Variants in PKD1L1 observed in about 807,000 individuals in gnomAD.
PKD1L1 encodes the protein polycystin 1 like 1, transient receptor potential channel interacting.
PKD1L1 carries 236 observed loss-of-function variants against 323.4 expected under a neutral mutation model. That is an observed-to-expected ratio of 0.73 (90% CI 0.66 to 0.81). PKD1L1 has a LOEUF of 0.81. Ranked by LOEUF, PKD1L1 falls within the 40% of genes least tolerant of loss-of-function variation. PKD1L1 has a pLI of 0.00. For synonymous variants in PKD1L1, 1,344 were observed against 1,335.0 expected (o/e 1.01, Z -0.15); for missense variants, 3,320 against 3,508.0 (o/e 0.95, Z 1.35).
chr7:47,851,508 C>A (rs927441518), intron 31 of PKD1L1, among the ~76,000 whole-genome samples: 1 of 152,070 alleles, frequency 6.6e-6, no homozygotes, highest in African/African-American at 2.4e-5. Context: ...CTGAAGAATG[C>A]CAGCTAATTC....
rs761934181 is a variant in PKD1L1 at position 47,929,215 on chromosome 7, T to G, written c.1049A>C (p.Gln350Pro). 3.1e-6 allele frequency: 5 copies of G among 1,613,884 alleles called. No homozygotes were observed. In the South Asian group the frequency reaches 4.4e-5, roughly 14 times the overall value. Residue 350 changes from glutamine to proline, a missense_variant, in exon 7 of 57, where the codon CAG (glutamine) becomes CCG (proline). Coordinates refer to ENST00000289672, the MANE Select transcript of PKD1L1 (RefSeq NM_138295.5). ...ACCATGCACCTTACCTTTTGAGTACTGGTGGTAGGCAGTCACCGCCATTGC... is the reference window on the plus strand; with the variant it reads ...ACCATGCACCTTACCTTTTGAGTACGGGTGGTAGGCAGTCACCGCCATTGC... ...SEAMAVTAYH[Q>P]YSKGIFFHLL...
chr7:47,957,496 C>T, the PKD1L1 span, among the ~76,000 whole-genome samples: 2 of 152,062 alleles, frequency 1.3e-5, no homozygotes, highest in Non-Finnish European at 2.9e-5. Context: ...ACAAAATCTA[C>T]AAACAAAAAC....
chr7:47,843,258 A>G lies in PKD1L1; in HGVS notation c.5238-89T>C, dbSNP rs1233764495. 4.1e-6 allele frequency: 4 copies of G among 982,488 alleles called. No homozygotes were observed. The East Asian group carries it at 1.0e-4, about 25-fold the overall frequency. 60.9% of individuals were successfully genotyped at this position (982,488 alleles called of 1,614,324 possible). ...GATTGCCACCCCTAGCCCCTTACAC[A>G]CAAAAGTCCCTGCTGGGCTTCACTG... On this transcript the variant is annotated intron_variant, in intron 33 of 56. Transcript: ENST00000289672.
intron 56 of PKD1L1, among the ~76,000 whole-genome samples, chr7:47,785,376 C>T (rs1786783382): frequency 6.6e-6 from 1 of 152,182 alleles, no homozygotes; most frequent in African/African-American, 2.4e-5. Flanking sequence ...TTTGGATCCC[C>T]AGCCTCTAGA....
At chr7:47,932,665 G>A (rs1787795407) in intron 4 of PKD1L1, among the ~76,000 whole-genome samples, 1 of 152,110 alleles carries the variant, frequency 6.6e-6, no homozygotes, top group Admixed American at 6.5e-5. Flanking sequence ...GAGTGGGTGA[G>A]GCACAGCAGG....
At chr7:47,952,836 T>TACAG, upstream of PKD1L1, among the ~76,000 whole-genome samples, 2 of 152,338 alleles carry the variant, frequency 1.3e-5, no homozygotes, top group Middle Eastern at 6.8e-3. Context: ...TAAAAGTAGG[T>TACAG]ACTCTGTCTT....
intron 56 of PKD1L1, among the ~76,000 whole-genome samples, chr7:47,790,709 T>C (rs1409998684): frequency 6.6e-6 from 1 of 152,126 alleles, no homozygotes; most frequent in African/African-American, 2.4e-5. Flanking sequence ...AGTAGGATTA[T>C]CTTTTTTTAA....
chr7:47,791,460 ACAT>A (rs1415627547), intron 56 of PKD1L1, among the ~76,000 whole-genome samples: 1 of 59,636 alleles, frequency 1.7e-5, no homozygotes, highest in Non-Finnish European at 4.0e-5. Flanking sequence ...TTTCAAAGAG[ACAT>A]TTTTTTTTTT....
intron 37 of PKD1L1, among the ~76,000 whole-genome samples, chr7:47,836,024 C>T (rs186164099): frequency 9.7e-4 from 147 of 152,326 alleles, no homozygotes; most frequent in African/African-American, 3.2e-3. Flanking sequence ...GACAACATGT[C>T]GGCTTCAAAG....
chr7:47,903,629 C>T (rs1385245360), intron 12 of PKD1L1, among the ~76,000 whole-genome samples: 1 of 152,108 alleles, frequency 6.6e-6, no homozygotes, highest in Non-Finnish European at 1.5e-5. Context: ...AGGAAGTTTG[C>T]AATCTTTCCC....
In PKD1L1 at chr7:47,829,561, G is replaced by A; in HGVS notation, c.6599C>T (p.Ala2200Val). 6.2e-7 allele frequency: 1 copy of A among 1,613,138 alleles called. No individual in the cohort carries two copies. Among genetic ancestry groups the A allele is most frequent in the Middle Eastern group, 1.7e-4 (1 of 6,052 alleles). ...AGACTCAGTAAAAAAGTGGTTGTCA[G>A]CTCTTCTTTTCCAAGCAAAACCCAA... ...MALGFAWKRR[A>V]DNHFFTESLC... The change falls in exon 44 of 57, where the codon GCT becomes GTT. Residue 2200 changes from alanine to valine, a missense_variant. By Grantham distance (64) the Ala-to-Val change is moderately conservative (BLOSUM62 0). Transcript: ENST00000289672.
At chr7:47,906,887 T>C (rs1401220342) in intron 9 of PKD1L1, among the ~76,000 whole-genome samples, 1 of 148,310 alleles carries the variant, frequency 6.7e-6, no homozygotes, top group East Asian at 1.9e-4. Context: ...AATCTGATAA[T>C]CAAAAGTGTT....
intron 19 of PKD1L1, among the ~76,000 whole-genome samples, chr7:47,882,609 C>T (rs73692894): frequency 0.034 from 4,860 of 143,960 alleles, 247 homozygotes; most frequent in African/African-American, 0.12. Context: ...GCCCTTCAAG[C>T]ATCTGAAGGA....
At position 47,908,244 on chromosome 7, in the gene PKD1L1, A is replaced by T. The variant is rs1175078108; in HGVS notation, c.1235T>A (p.Val412Asp). ...ATAAATAACAGCCTTGAGCATATAG[A>T]CTCCTTCTGGAAAAATAAGAATGAA... Reference protein sequence around the residue: ...ELISAFVTKGVYMLKAVIYNE... With the variant: ...ELISAFVTKGDYMLKAVIYNE... Residue 412 changes from valine (V) to aspartate (D), a missense_variant, in exon 9 of 57, where the codon GTC becomes GAC. Transcript: ENST00000289672. The T allele has an allele frequency of 2.5e-6, 4 of 1,611,154 alleles. No homozygotes were observed. Among genetic ancestry groups the T allele is most frequent in the Non-Finnish European group, 3.4e-6 (4 of 1,178,896 alleles).
In PKD1L1 at chr7:47,932,100, T is replaced by C. The variant is rs773771828; in HGVS notation, c.399-44A>G. The C allele has an allele frequency of 6.3e-6, 10 of 1,576,812 alleles. No individual in the cohort carries two copies. In the Middle Eastern group the frequency reaches 5.1e-4, roughly 80 times the overall value. On this transcript the variant is annotated intron_variant, in intron 4 of 56. Transcript: ENST00000289672. ...GCAGAAAGAAAAGGAAACCCGGTCATGTTTCAGTCACATATCTGGCTTATT... is the reference window on the plus strand; with the variant it reads ...GCAGAAAGAAAAGGAAACCCGGTCACGTTTCAGTCACATATCTGGCTTATT...
intron 1 of PKD1L1, 114 bp from the exon 2 acceptor site, chr7:47,943,625 G>A: frequency 1.3e-6 from 1 of 793,144 alleles, no homozygotes; most frequent in Admixed American, 2.4e-5. Context: ...AAAGTATTAA[G>A]TACAAAATTG....
chr7:47,789,974 T>C (rs1786901606), intron 56 of PKD1L1, among the ~76,000 whole-genome samples: 1 of 151,716 alleles, frequency 6.6e-6, no homozygotes, highest in African/African-American at 2.4e-5. Context: ...CCGCAACCTC[T>C]GCCTCCCAGG....
intron 52 of PKD1L1, among the ~76,000 whole-genome samples, chr7:47,803,859 T>C (rs1423998682): frequency 6.6e-6 from 1 of 152,106 alleles, no homozygotes; most frequent in Non-Finnish European, 1.5e-5. Context: ...AGTCTACGGC[T>C]CAGATAAACA....
At position 47,936,839 on chromosome 7, in the gene PKD1L1, G is replaced by A. The variant is rs758218758; in HGVS notation, c.398+7C>T. The A allele has an allele frequency of 5.0e-6, 8 of 1,589,062 alleles. No individual in the cohort carries two copies. In the Admixed American group the frequency reaches 1.2e-4, roughly 24 times the overall value. On this transcript the variant is annotated splice_region_variant and intron_variant, in intron 4 of 56. Transcript: ENST00000289672. ...AAGCAATATTTCGCCATGGTACATT[G>A]ACATACCTATCAGCACTGTTATCAC...
Sources: allele counts gnomAD v4.1 joint callset (sites outside exome capture counted in the v4.1 genomes callset), GRCh38; gene constraint gnomAD v4.1.1; transcripts MANE v1.5; gene names NCBI Gene and HGNC (gene_info 2026-07-23, HGNC 2026-07-21).